KAZN: variants seen among roughly 807,000 people sequenced by gnomAD.
The protein encoded by KAZN is kazrin, periplakin interacting protein.
KAZN carries 40 observed loss-of-function variants against 87.4 expected under a neutral mutation model. The ratio of observed to expected loss-of-function variants is 0.46; its 90% confidence interval spans 0.36 to 0.60. The LOEUF (loss-of-function observed/expected upper bound fraction) is 0.60, where lower values mean the gene tolerates loss of function less well. Among genes scored for constraint, KAZN ranks in the 20% least tolerant of loss-of-function variants. KAZN has a pLI of 0.00. For missense variants in KAZN, 898 were observed against 1,073.9 expected, an observed-to-expected ratio of 0.84 and a Z score of 2.29; for synonymous variants, 466 against 458.3, an observed-to-expected ratio of 1.02 and a Z score of -0.22.
intron 2 of KAZN, among the ~76,000 whole-genome samples, chr1:14,492,680 CCA>C (rs373385122): frequency 0.083 from 12 of 144 alleles, 1 homozygote; most frequent in Admixed American, 0.17. Context: ...ACACTACACA[CCA>C]CACACACACC....
intron 2 of KAZN, among the ~76,000 whole-genome samples, chr1:14,537,935 A>G (rs1455758186): frequency 2.0e-5 from 3 of 152,186 alleles, no homozygotes; most frequent in Non-Finnish European, 4.4e-5. Flanking sequence ...AATAATAAAT[A>G]ATAAATGGGG....
intron 2 of KAZN, among the ~76,000 whole-genome samples, chr1:14,509,212 A>G (rs1020940687): frequency 1.1e-4 from 16 of 152,256 alleles, no homozygotes; most frequent in Non-Finnish European, 2.4e-4. Flanking sequence ...TCCAGGACCT[A>G]TAATGGTGGC....
At position 14,666,977 on chromosome 1, in the gene KAZN, G is replaced by T. The variant is rs1175039327; in HGVS notation, c.226+67754G>T. On this transcript the variant is annotated intron_variant, in intron 1 of 14. Coordinates refer to ENST00000376030, the MANE Select transcript of KAZN (RefSeq NM_201628.3). Reference sequence around the variant, plus strand: ...TCTCGATCTCTTGACGTCGTGATCCGCCCACTTCGGCCTCCCAACCTGTCC... The same window carrying T: ...TCTCGATCTCTTGACGTCGTGATCCTCCCACTTCGGCCTCCCAACCTGTCC... 3.9e-5 allele frequency among the ~76,000 whole-genome samples: 6 copies of T among 152,194 alleles called. No homozygotes were observed. In the East Asian group the frequency reaches 1.2e-3, roughly 29 times the overall value.
intron 1 of KAZN, among the ~76,000 whole-genome samples, chr1:14,868,903 A>C (rs565707481): frequency 3.9e-5 from 6 of 152,150 alleles, no homozygotes; most frequent in Non-Finnish European, 8.8e-5. Context: ...GGCCAAGATA[A>C]GAGAACTGAA....
chr1:14,777,312 T>A (rs867466358), intron 1 of KAZN, among the ~76,000 whole-genome samples: 35 of 152,180 alleles, frequency 2.3e-4, no homozygotes, highest in Non-Finnish European at 4.4e-4. Flanking sequence ...TAGGCATTTC[T>A]TTATTCCTTT....
intron 2 of KAZN, among the ~76,000 whole-genome samples, chr1:14,504,200 C>A (rs1235357126): frequency 1.3e-5 from 2 of 152,118 alleles, no homozygotes; most frequent in East Asian, 1.9e-4. Flanking sequence ...CTCTGAACAA[C>A]AAGATGGAAA....
At chr1:14,882,137 G>C (rs1653405657) in intron 1 of KAZN, among the ~76,000 whole-genome samples, 1 of 152,194 alleles carries the variant, frequency 6.6e-6, no homozygotes, top group African/African-American at 2.4e-5. Flanking sequence ...AGTAGCCAGA[G>C]ACTGGCTCAT....
intron 13 of KAZN, among the ~76,000 whole-genome samples, chr1:15,105,033 TC>T (rs1641246928): frequency 6.6e-6 from 1 of 152,258 alleles, no homozygotes. Context: ...CAGTGTATAA[TC>T]CTTTTTATAT....
intron 1 of KAZN, among the ~76,000 whole-genome samples, chr1:13,906,792 C>A (rs1039468162): frequency 1.3e-5 from 2 of 152,200 alleles, no homozygotes; most frequent in Non-Finnish European, 2.9e-5. Flanking sequence ...CCAGAAATGA[C>A]CATTATTACA....
At position 14,301,406 on chromosome 1, in the gene KAZN, T is replaced by C. The variant is rs552512289; in HGVS notation, c.249+120814T>C. Among the ~76,000 whole-genome samples, 3 of 152,264 alleles carry C rather than the reference T, an allele frequency of 2.0e-5. No individual in the cohort carries two copies. The East Asian group carries it at 5.8e-4, about 29-fold the overall frequency. On this transcript the variant is annotated intron_variant, in intron 2 of 16. Transcript: ENST00000636203. ...CCCCAGTCCCATCGGCTGGGGAAAATCATCTACAGGTTTGCATGATGGGAT... is the reference window on the plus strand; with the variant it reads ...CCCCAGTCCCATCGGCTGGGGAAAACCATCTACAGGTTTGCATGATGGGAT...
intron 1 of KAZN, among the ~76,000 whole-genome samples, chr1:13,942,630 C>A (rs1640983447): frequency 6.6e-6 from 1 of 150,964 alleles, no homozygotes; most frequent in Non-Finnish European, 1.5e-5. Context: ...CATACACAAT[C>A]TCTGGGATTG....
At chr1:13,992,902 A>G (rs1169521919) in intron 1 of KAZN, among the ~76,000 whole-genome samples, 1 of 152,058 alleles carries the variant, frequency 6.6e-6, no homozygotes, top group African/African-American at 2.4e-5. Context: ...AACAATTTTT[A>G]TTTATTTTTC....
chr1:14,966,672 C>A (rs1241292904), intron 2 of KAZN, among the ~76,000 whole-genome samples: 1 of 152,010 alleles, frequency 6.6e-6, no homozygotes, highest in Non-Finnish European at 1.5e-5. Context: ...ATTTTACCCA[C>A]GTTTTTTTTT....
intron 1 of KAZN, among the ~76,000 whole-genome samples, chr1:14,829,800 C>T (rs11807755): frequency 0.012 from 1,849 of 152,322 alleles, 40 homozygotes; most frequent in African/African-American, 0.041. Flanking sequence ...CCTGGAAAGA[C>T]AGGCAGACAC....
intron 2 of KAZN, among the ~76,000 whole-genome samples, chr1:14,371,266 C>G (rs769712131): frequency 1.3e-5 from 2 of 152,192 alleles, no homozygotes; most frequent in African/African-American, 4.8e-5. Context: ...AGAGCTATTG[C>G]TTTTCATGCC....
chr1:14,546,021 A>G (rs1673119664), intron 2 of KAZN, among the ~76,000 whole-genome samples: 1 of 152,170 alleles, frequency 6.6e-6, no homozygotes, highest in Non-Finnish European at 1.5e-5. Flanking sequence ...GACCACCACC[A>G]GAGCTACTTG....
chr1:14,424,175 A>G (rs912081729), intron 2 of KAZN, among the ~76,000 whole-genome samples: 1 of 152,190 alleles, frequency 6.6e-6, no homozygotes, highest in Non-Finnish European at 1.5e-5. Context: ...TTTCTAGAAA[A>G]TGAGAATGAG....
At chr1:14,084,263 T>A (rs1643783209) in intron 1 of KAZN, among the ~76,000 whole-genome samples, 1 of 152,170 alleles carries the variant, frequency 6.6e-6, no homozygotes, top group Admixed American at 6.5e-5. Context: ...CCCCCTGGTT[T>A]CTGGATTGTG....
At chr1:15,037,131 G>C (rs1181335743) in intron 3 of KAZN, among the ~76,000 whole-genome samples, 1 of 151,466 alleles carries the variant, frequency 6.6e-6, no homozygotes, top group Admixed American at 6.6e-5. Context: ...CTCCATTCTC[G>C]GCCTAAGGAG....
Sources: allele counts gnomAD v4.1 joint callset (sites outside exome capture counted in the v4.1 genomes callset), GRCh38; gene constraint gnomAD v4.1.1; transcripts MANE v1.5; gene names NCBI Gene and HGNC (gene_info 2026-07-23, HGNC 2026-07-21).